TNRC18: variants seen among roughly 807,000 people sequenced by gnomAD.
TNRC18 encodes trinucleotide repeat-containing gene 18 protein.
A neutral mutation model predicts 226.7 loss-of-function variants in TNRC18; 69 were observed. That is an observed-to-expected ratio of 0.30 (90% CI 0.25 to 0.37). TNRC18 has a LOEUF of 0.37. Ranked by LOEUF, TNRC18 falls within the 10% of genes least tolerant of loss-of-function variation. The pLI, the probability that TNRC18 is intolerant of heterozygous loss-of-function variation, is 1.00. For synonymous variants in TNRC18, 2,449 were observed against 1,927.6 expected (o/e 1.27, Z -7.09); for missense variants, 4,754 against 4,256.6 (o/e 1.12, Z -3.25).
chr7:5,375,379 G>A (rs1463916694), intron 9 of TNRC18, among the ~76,000 whole-genome samples: 3 of 152,080 alleles, frequency 2.0e-5, no homozygotes, highest in Non-Finnish European at 2.9e-5. Flanking sequence ...CCGCTCTCCC[G>A]ATTACTAAAC....
chr7:5,364,389 T>C (rs1182098149), intron 11 of TNRC18, among the ~76,000 whole-genome samples: 5 of 149,304 alleles, frequency 3.3e-5, no homozygotes, highest in African/African-American at 7.5e-5. Flanking sequence ...ACCCAGGAAG[T>C]TGAGACTGCA....
chr7:5,367,792 G>A lies in TNRC18; in HGVS notation c.4219+2583C>T, dbSNP rs1485466044. 8.6e-5 allele frequency among the ~76,000 whole-genome samples: 13 copies of A among 151,476 alleles called. 1 individual carries two copies. The highest frequency in any genetic ancestry group is 3.2e-3 in the Middle Eastern group (1 of 316). On this transcript the variant is annotated intron_variant, in intron 11 of 29. Transcript: ENST00000430969. ...AAAAAGTTTCTATTGAACTATTTTC[G>A]TGAGAGAAAAGCAGCAATGAACTTT...
rs1404246871 is a variant in TNRC18, at chr7:5,376,875, G to T, written c.2580C>A (p.Val860=). The T allele has an allele frequency of 1.9e-6, 3 of 1,611,704 alleles. No individual in the cohort carries two copies. Among genetic ancestry groups the T allele is most frequent in the South Asian group, 2.2e-5 (2 of 90,562 alleles). ...AGTGAGGAAGGTGATCACTGGGAAT[G>T]ACCACCAGCTGGCCCGATTGGGGGT... is the stretch of plus-strand genomic sequence containing the variant. The part of the protein sequence containing the change: ...VRDPQSGQLV[V]IPSDHLPHFA... The change falls in exon 8 of 30, where the codon GTC becomes GTA. Residue 860 remains valine (V), a synonymous_variant. Coordinates refer to ENST00000430969, the MANE Select transcript of TNRC18 (RefSeq NM_001080495.3).
chr7:5,330,272 T>G (rs1789378842), intron 19 of TNRC18, among the ~76,000 whole-genome samples: 1 of 152,082 alleles, frequency 6.6e-6, no homozygotes, highest in African/African-American at 2.4e-5. Context: ...TTCTGTTGCC[T>G]AGGCTGGAGT....
At position 5,387,885 on chromosome 7, in the gene TNRC18, C is replaced by A. The variant is rs1469518686; in HGVS notation, c.1939G>T (p.Gly647Cys). 3.8e-6 allele frequency: 6 copies of A among 1,591,266 alleles called. No homozygotes were observed. The highest frequency in any genetic ancestry group is 5.1e-6 in the Non-Finnish European group (6 of 1,170,986). ...GGGTCCCGCTTCAGCTGCCGGCCGCCGCCCGCTGCAGGGCCTCCGGAGTGT... is the reference window on the plus strand; with the variant it reads ...GGGTCCCGCTTCAGCTGCCGGCCGCAGCCCGCTGCAGGGCCTCCGGAGTGT... ...LPHSGGPAAG[G>C]GRQLKRDPER... Residue 647 changes from glycine (G) to cysteine (C), a missense_variant, in exon 5 of 30, where the codon GGC becomes TGC. By Grantham distance (159) the Gly-to-Cys change is radical (BLOSUM62 -3). Transcript: ENST00000430969.
intron 15 of TNRC18, among the ~76,000 whole-genome samples, chr7:5,358,294 G>A (rs1792667922): frequency 6.6e-6 from 1 of 152,174 alleles, no homozygotes; most frequent in Admixed American, 6.5e-5. Context: ...AGCGAAACAC[G>A]CAGTTTCAAA....
In TNRC18 at chr7:5,374,257, G is replaced by T; in HGVS notation, c.3027C>A (p.Ile1009=). 6 of 1,500,928 alleles carry T rather than the reference G, an allele frequency of 4.0e-6. No individual in the cohort carries two copies. In the East Asian group the frequency reaches 1.5e-4, roughly 39 times the overall value. The allele number at this position is 1,500,928 out of a possible 1,614,324, so 93.0% of individuals were successfully genotyped here. The part of the protein sequence containing the change: ...SPVAALKAKV[I]QKLEDVSKPP... ...GCTTGGACACGTCCTCCAGCTTCTGGATGACCTTGGCCTTCAGGGCAGCCA... is the reference window on the plus strand; with the variant it reads ...GCTTGGACACGTCCTCCAGCTTCTGTATGACCTTGGCCTTCAGGGCAGCCA... Residue 1009 remains isoleucine (I), a synonymous_variant, in exon 10 of 30, where the codon ATC becomes ATA. Transcript: ENST00000430969.
chr7:5,308,125 C>A lies in TNRC18; in HGVS notation c.8888G>T (p.Gly2963Val). ...PTTGMIFSTD[G>V]VPVLC ...GCGGGCTCAGCAGAGCACGGGCACG[C>A]CGTCCGTGGAGAAGATCATGCCCGT... Residue 2963 changes from glycine to valine, a missense_variant, in exon 30 of 30, where the codon GGC (glycine) becomes GTC (valine). Physicochemically the swap from Gly to Val is moderately radical, Grantham distance 109. Coordinates refer to ENST00000430969, the MANE Select transcript of TNRC18 (RefSeq NM_001080495.3). 1.3e-6 allele frequency: 2 copies of A among 1,554,364 alleles called. No individual in the cohort carries two copies. Among genetic ancestry groups the A allele is most frequent in the Non-Finnish European group, 1.7e-6 (2 of 1,149,816 alleles).
intron 18 of TNRC18, among the ~76,000 whole-genome samples, chr7:5,340,878 A>T (rs1790619280): frequency 6.6e-6 from 1 of 152,196 alleles, no homozygotes; most frequent in South Asian, 2.1e-4. Context: ...TAAAGTGGCT[A>T]CACCAACCAA....
chr7:5,397,089 A>G (rs571328022), intron 2 of TNRC18, among the ~76,000 whole-genome samples: 10 of 151,924 alleles, frequency 6.6e-5, no homozygotes, highest in African/African-American at 2.4e-4. Flanking sequence ...CCGGCCCCCA[A>G]CACTCCAGTC....
At position 5,387,975 on chromosome 7, in the gene TNRC18, C is replaced by T. The variant is rs1337970557; in HGVS notation, c.1849G>A (p.Gly617Ser). ...GGCGCAGGCTCGGGTTTCATGGTGC[C>T]CAAACCTCCAAAGGGGCTCTTCTTG... ...CGKKSPFGGL[G>S]TMKPEPAPTS... is the part of the protein sequence containing the mutation. The change falls in exon 5 of 30, where the codon GGC becomes AGC. Residue 617 changes from glycine to serine, a missense_variant. By Grantham distance (56) the Gly-to-Ser change is moderately conservative. Transcript: ENST00000430969. 6.3e-7 allele frequency: 1 copy of T among 1,595,052 alleles called. No homozygotes were observed. The highest frequency in any genetic ancestry group is 1.1e-5 in the South Asian group (1 of 88,468).
intron 16 of TNRC18, among the ~76,000 whole-genome samples, 181 bp downstream of exon 16, chr7:5,356,735 G>T (rs1343661647): frequency 6.7e-6 from 1 of 148,782 alleles, no homozygotes; most frequent in Non-Finnish European, 1.5e-5. Flanking sequence ...GCTTCAGGCG[G>T]CCTCCCCCCC....
Position 5,325,981 on chromosome 7 carries a change from G to A in TNRC18, c.6148-733C>T, listed in dbSNP as rs192427501. Among the ~76,000 whole-genome samples, 421 of 151,920 alleles carry A rather than the reference G, an allele frequency of 2.8e-3. 1 individual carries two copies. Among genetic ancestry groups the A allele is most frequent in the Admixed American group, 5.8e-3 (89 of 15,242 alleles). ...ACTCCTGGTCTCAAGCAATCCTCCC[G>A]CCTTGGCCTTCCAAAGTGCTGGGAT... On this transcript the variant is annotated intron_variant, in intron 19 of 29. Transcript: ENST00000430969.
chr7:5,387,155 C>T (rs1779851618), intron 5 of TNRC18, among the ~76,000 whole-genome samples: 1 of 152,192 alleles, frequency 6.6e-6, no homozygotes, highest in African/African-American at 2.4e-5. Context: ...GGCACGTAAA[C>T]TCTCTACCTA....
intron 5 of TNRC18, 28 bp downstream of exon 5, chr7:5,387,644 C>G: frequency 6.2e-7 from 1 of 1,600,396 alleles, no homozygotes; most frequent in Middle Eastern, 1.7e-4. Context: ...AAGATCCTAC[C>G]CGCACCTGGG....
rs571683784 is a variant in TNRC18 at position 5,357,040 on chromosome 7, G to A, written c.5070C>T (p.Ser1690=). Residue 1690 remains serine (S), a synonymous_variant, in exon 16 of 30, where the codon TCC becomes TCT. Transcript: ENST00000430969. ...CCCTTTTGTGTTTACCTTCTCTGGAGGATTTCAGAGACAGGCCGAGGCCCT... is the reference window on the plus strand; with the variant it reads ...CCCTTTTGTGTTTACCTTCTCTGGAAGATTTCAGAGACAGGCCGAGGCCCT... ...LAKGLGLSLK[S]SREGKHKRAA... 33 of 1,552,288 alleles carry A rather than the reference G, an allele frequency of 2.1e-5. No individual in the cohort carries two copies. The African/African-American group carries it at 3.0e-4, about 14-fold the overall frequency.
rs564456968 is a variant in TNRC18, at chr7:5,307,925, C to A, written c.*181G>T. 1 of 616,320 alleles carries A rather than the reference C, an allele frequency of 1.6e-6. No homozygotes were observed. Among genetic ancestry groups the A allele is most frequent in the East Asian group, 2.8e-5 (1 of 36,198 alleles). The allele number at this position is 616,320 out of a possible 1,614,324, so 38.2% of individuals were successfully genotyped here. A position where few individuals can be genotyped will look rare whatever the true frequency, so the allele number is the denominator to read the frequency against. On this transcript the variant is annotated 3_prime_UTR_variant, in exon 30 of 30. Transcript: ENST00000430969. ...GTGGGGCTGGAGGCATGTGCACATG[C>A]GTGCACACACGTGCATGCACACACA...
chr7:5,377,299 G>A lies in TNRC18; in HGVS notation c.2461+72C>T, dbSNP rs1274918779. On this transcript the variant is annotated intron_variant, in intron 7 of 29. Transcript: ENST00000430969. The surrounding 1 kb of genome is among the most constrained non-coding windows in gnomAD (Gnocchi z 5.8). ...AACGGCAGGCAGGAGCCAGCCCTGA[G>A]CTCTTGTCCTGCACCCGCCCCCTCC... The A allele has an allele frequency of 1.6e-5, 22 of 1,406,924 alleles. No individual in the cohort carries two copies. Among genetic ancestry groups the A allele is most frequent in the Non-Finnish European group, 1.8e-5 (19 of 1,056,808 alleles). 87.2% of individuals were successfully genotyped at this position (1,406,924 alleles called of 1,614,324 possible).
chr7:5,337,109 C>G (rs538177592), intron 18 of TNRC18, among the ~76,000 whole-genome samples: 4 of 152,236 alleles, frequency 2.6e-5, no homozygotes, highest in Non-Finnish European at 4.4e-5. Context: ...CAAAGATAAA[C>G]ACGAACCCCC....
Sources: gnomAD v4.1 joint callset for allele counts (sites outside exome capture counted in the v4.1 genomes callset) on GRCh38, gnomAD v4.1.1 for gene constraint, Gnocchi (gnomAD v3.1) non-coding constraint, MANE v1.5 for transcripts, NCBI Gene and HGNC (gene_info 2026-07-23, HGNC 2026-07-21) for gene names.